SIPA1L1: variants seen among roughly 807,000 people sequenced by gnomAD.
The protein encoded by SIPA1L1 is signal induced proliferation associated 1 like 1, also known as signal-induced proliferation-associated 1-like protein 1.
Under a neutral mutation model 162.7 loss-of-function variants are expected in SIPA1L1, and 26 were observed. That is an observed-to-expected ratio of 0.16 (90% CI 0.12 to 0.22). The LOEUF is 0.22. Among genes scored for constraint, SIPA1L1 ranks in the 10% least tolerant of loss-of-function variants. The probability of loss-of-function intolerance (pLI) is 1.00; values close to 1 mark genes in which losing one functional copy is unlikely to be tolerated. For synonymous variants in SIPA1L1, 829 were observed against 837.4 expected (o/e 0.99, Z 0.17); for missense variants, 1,874 against 2,241.0 (o/e 0.84, Z 3.31).
At chr14:71,472,315 AAT>A (rs1233343697) in intron 2 of SIPA1L1, among the ~76,000 whole-genome samples, 1 of 152,012 alleles carries the variant, frequency 6.6e-6, no homozygotes, top group Non-Finnish European at 1.5e-5. Context: ...TTTCTACAAA[AAT>A]ATGTTAAATA....
chr14:71,391,894 A>G (rs1273249106), intron 2 of SIPA1L1, among the ~76,000 whole-genome samples: 1 of 152,202 alleles, frequency 6.6e-6, no homozygotes, highest in Non-Finnish European at 1.5e-5. Context: ...ATCAAGGTGT[A>G]TTGAGCAGAT....
intron 19 of SIPA1L1, among the ~76,000 whole-genome samples, chr14:71,725,066 AC>A (rs1555367033): frequency 2.0e-5 from 3 of 152,156 alleles, no homozygotes; most frequent in Non-Finnish European, 2.9e-5. Context: ...TCCTACCCCT[AC>A]AGCTGTTTAT....
At chr14:71,690,159 G>A (rs898981133) in intron 13 of SIPA1L1, among the ~76,000 whole-genome samples, 1 of 152,120 alleles carries the variant, frequency 6.6e-6, no homozygotes, top group Non-Finnish European at 1.5e-5. Context: ...GCCTTGCCAT[G>A]AGGATCCTGA....
At chr14:71,438,262 A>G (rs1759964269) in intron 2 of SIPA1L1, among the ~76,000 whole-genome samples, 2 of 152,024 alleles carry the variant, frequency 1.3e-5, no homozygotes, top group African/African-American at 4.8e-5. Context: ...ATTTCACCCC[A>G]GTTCCGATAA....
At chr14:71,449,841 G>T (rs1273055178) in intron 2 of SIPA1L1, among the ~76,000 whole-genome samples, 1 of 152,160 alleles carries the variant, frequency 6.6e-6, no homozygotes, top group Non-Finnish European at 1.5e-5. Context: ...TTGCTTGTAG[G>T]TATACTTTGG....
chr14:71,739,051 G>A lies in SIPA1L1; in HGVS notation c.5242G>A (p.Val1748Met), dbSNP rs2085584174. 3.1e-6 allele frequency: 5 copies of A among 1,613,980 alleles called. No homozygotes were observed. The highest frequency in any genetic ancestry group is 1.3e-5 in the African/African-American group (1 of 74,928). Residue 1748 changes from valine to methionine, a missense_variant, in exon 24 of 24, where the codon GTG becomes ATG. Coordinates refer to ENST00000381232, the MANE Select transcript of SIPA1L1 (RefSeq NM_001386936.1). ...AGACAAAGCTCACCTTCAGGCGGAG[G>A]TGCAGCACCTGCGAGAGGACAACCT... Reference protein sequence around the residue: ...KEDKAHLQAEVQHLREDNLRL... With the variant: ...KEDKAHLQAEMQHLREDNLRL...
intron 2 of SIPA1L1, among the ~76,000 whole-genome samples, chr14:71,421,291 A>G (rs1307457964): frequency 6.6e-6 from 1 of 152,148 alleles, no homozygotes; most frequent in Non-Finnish European, 1.5e-5. Flanking sequence ...GATGTAGTTG[A>G]TTATATTTAA....
At chr14:71,501,213 T>TG (rs1398248489) in intron 2 of SIPA1L1, among the ~76,000 whole-genome samples, 1 of 151,728 alleles carries the variant, frequency 6.6e-6, no homozygotes, top group Non-Finnish European at 1.5e-5. Context: ...CCCAGCTACT[T>TG]GGGGGGCTGA....
At chr14:71,516,115 G>C (rs2051702163) in intron 3 of SIPA1L1, among the ~76,000 whole-genome samples, 1 of 152,172 alleles carries the variant, frequency 6.6e-6, no homozygotes. Context: ...CTCTAACTTG[G>C]ATCAGGTCAG....
chr14:71,564,688 AC>A (rs2029976515), intron 4 of SIPA1L1, among the ~76,000 whole-genome samples: 1 of 151,192 alleles, frequency 6.6e-6, no homozygotes, highest in African/African-American at 2.4e-5. Context: ...ACGGGATTTT[AC>A]CATGTTAGCC....
chr14:71,387,821 T>C (rs1342995776), intron 2 of SIPA1L1, among the ~76,000 whole-genome samples: 1 of 152,246 alleles, frequency 6.6e-6, no homozygotes, highest in Non-Finnish European at 1.5e-5. Context: ...GTCTTTCTTG[T>C]TTCTTGAGCC....
At chr14:71,399,523 A>G (rs1449968115) in intron 2 of SIPA1L1, among the ~76,000 whole-genome samples, 1 of 151,762 alleles carries the variant, frequency 6.6e-6, no homozygotes, top group Non-Finnish European at 1.5e-5. Flanking sequence ...TGACATCTTA[A>G]CCTTCTGAGT....
chr14:71,627,062 G>A (rs1347095857), intron 7 of SIPA1L1, among the ~76,000 whole-genome samples: 1 of 143,296 alleles, frequency 7.0e-6, no homozygotes. Flanking sequence ...TTTAGAAAAC[G>A]AACTAATTTT....
rs530388140 is a variant in SIPA1L1 at position 71,531,314 on chromosome 14, T to C, written c.-303+1944T>C. 7.2e-5 allele frequency among the ~76,000 whole-genome samples: 11 copies of C among 152,032 alleles called. No individual in the cohort carries two copies. In the East Asian group the frequency reaches 1.5e-3, roughly 21 times the overall value. ...AAAATTTACTTCTTTTTTTTTTTTT[T>C]CTAAATTTGTCAGTTTGTCACTATG... On this transcript the variant is annotated intron_variant, in intron 4 of 23. Coordinates refer to ENST00000381232, the MANE Select transcript of SIPA1L1 (RefSeq NM_001386936.1).
chr14:71,560,784 A>T (rs2146581248), intron 4 of SIPA1L1, among the ~76,000 whole-genome samples: 1 of 152,348 alleles, frequency 6.6e-6, no homozygotes, highest in Non-Finnish European at 1.5e-5. Context: ...GAGTGAGGAC[A>T]GTATGTATTA....
At chr14:71,410,044 T>C (rs1052730059) in intron 2 of SIPA1L1, among the ~76,000 whole-genome samples, 8 of 152,206 alleles carry the variant, frequency 5.3e-5, no homozygotes, top group Non-Finnish European at 1.2e-4. Context: ...ATTAATACAT[T>C]CTTGGCTCAT....
chr14:71,484,749 C>T (rs1180924281), intron 2 of SIPA1L1, among the ~76,000 whole-genome samples: 2 of 152,152 alleles, frequency 1.3e-5, no homozygotes, highest in Non-Finnish European at 2.9e-5. Context: ...AGAGACTTGA[C>T]AGTAGGCTTA....
intron 2 of SIPA1L1, among the ~76,000 whole-genome samples, chr14:71,355,761 C>G (rs2037181675): frequency 6.6e-6 from 1 of 152,166 alleles, no homozygotes; most frequent in South Asian, 2.1e-4. Flanking sequence ...AATATAAGCC[C>G]TGGCTTGAAA....
intron 7 of SIPA1L1, among the ~76,000 whole-genome samples, chr14:71,646,540 C>A (rs990073779): frequency 6.6e-6 from 1 of 152,176 alleles, no homozygotes; most frequent in African/African-American, 2.4e-5. Flanking sequence ...CTGTTGTTTC[C>A]CAGCTGTGGA....
Sources: allele counts gnomAD v4.1 joint callset (sites outside exome capture counted in the v4.1 genomes callset), GRCh38; gene constraint gnomAD v4.1.1; transcripts MANE v1.5; gene names NCBI Gene and HGNC (gene_info 2026-07-23, HGNC 2026-07-21).